Variants in UNC5D observed in about 807,000 individuals in gnomAD.
UNC5D encodes the protein netrin receptor UNC5D.
UNC5D carries 39 observed loss-of-function variants against 105.4 expected under a neutral mutation model. The observed-to-expected ratio is 0.37, with a 90% confidence interval of 0.29 to 0.48. UNC5D has a LOEUF of 0.48. Among genes scored for constraint, UNC5D ranks in the 20% least tolerant of loss-of-function variants. UNC5D has a pLI of 0.98. For synonymous variants in UNC5D, 452 were observed against 450.4 expected (o/e 1.00, Z -0.04); for missense variants, 991 against 1,202.4 (o/e 0.82, Z 2.60).
intron 9 of UNC5D, among the ~76,000 whole-genome samples, chr8:35,725,274 A>G (rs958910166): frequency 6.6e-6 from 1 of 152,192 alleles, no homozygotes; most frequent in Non-Finnish European, 1.5e-5. Context: ...CTTGGGACTG[A>G]GAGTTATTTT....
At chr8:35,722,164 C>T in intron 8 of UNC5D, 46 bp from the exon 9 acceptor site, 1 of 1,593,266 alleles carries the variant, frequency 6.3e-7, no homozygotes, top group Non-Finnish European at 8.5e-7. Context: ...GGTTCTTTGA[C>T]TTTGTGCCCA....
intron 7 of UNC5D, among the ~76,000 whole-genome samples, chr8:35,690,706 G>A (rs891388416): frequency 7.2e-5 from 11 of 152,220 alleles, no homozygotes; most frequent in African/African-American, 1.9e-4. Context: ...GCATCACTCT[G>A]AGGCTCTCAC....
At chr8:35,577,979 C>A (rs1392216923) in intron 3 of UNC5D, among the ~76,000 whole-genome samples, 4 of 152,098 alleles carry the variant, frequency 2.6e-5, no homozygotes, top group African/African-American at 7.2e-5. Flanking sequence ...AATCCTAACA[C>A]TTTGGGAGGC....
chr8:35,545,904 T>G (rs950915753), intron 1 of UNC5D, among the ~76,000 whole-genome samples: 1 of 152,064 alleles, frequency 6.6e-6, no homozygotes, highest in African/African-American at 2.4e-5. Flanking sequence ...CTTTATTTAT[T>G]TTTGAAATAG....
intron 8 of UNC5D, among the ~76,000 whole-genome samples, chr8:35,708,448 A>G (rs1458842172): frequency 1.3e-5 from 2 of 152,216 alleles, no homozygotes; most frequent in African/African-American, 2.4e-5. Flanking sequence ...ATGAGATTTA[A>G]TCATAGTTAA....
intron 1 of UNC5D, chr8:35,254,934 A>C (rs1803968183): frequency 6.6e-6 from 1 of 152,234 alleles, no homozygotes. Flanking sequence ...TTGAAATTTC[A>C]AATGAGCTTA....
At chr8:35,497,016 A>G (rs1246237205) in intron 1 of UNC5D, among the ~76,000 whole-genome samples, 1 of 152,224 alleles carries the variant, frequency 6.6e-6, no homozygotes, top group Non-Finnish European at 1.5e-5. Flanking sequence ...AAAAGCATAC[A>G]TATTTATTTA....
intron 1 of UNC5D, among the ~76,000 whole-genome samples, chr8:35,416,708 A>G (rs983933381): frequency 1.5e-4 from 22 of 150,290 alleles, no homozygotes; most frequent in Non-Finnish European, 3.0e-4. Context: ...ACTGGAAGAG[A>G]AAAAAAAAAT....
At chr8:35,287,002 G>A (rs1806646998) in intron 1 of UNC5D, among the ~76,000 whole-genome samples, 1 of 152,182 alleles carries the variant, frequency 6.6e-6, no homozygotes, top group Non-Finnish European at 1.5e-5. Context: ...ACTGATCACA[G>A]AGCACAGCCA....
intron 4 of UNC5D, among the ~76,000 whole-genome samples, chr8:35,602,012 T>C (rs1235472557): frequency 6.6e-6 from 1 of 152,196 alleles, no homozygotes; most frequent in Non-Finnish European, 1.5e-5. Flanking sequence ...CATGAAGGGT[T>C]ATTGAATTTT....
intron 1 of UNC5D, among the ~76,000 whole-genome samples, chr8:35,313,890 C>T (rs908847792): frequency 7.2e-5 from 11 of 152,140 alleles, no homozygotes; most frequent in African/African-American, 2.6e-4. Context: ...AAATGTAGCC[C>T]GTTGTCATTA....
intron 1 of UNC5D, among the ~76,000 whole-genome samples, chr8:35,252,764 T>C (rs967939829): frequency 6.6e-6 from 1 of 152,198 alleles, no homozygotes; most frequent in Admixed American, 6.5e-5. Flanking sequence ...AGTGTTTTTT[T>C]ATATATGTGA....
intron 4 of UNC5D, among the ~76,000 whole-genome samples, chr8:35,642,549 T>A (rs558471334): frequency 2.8e-4 from 42 of 152,086 alleles, no homozygotes; most frequent in Non-Finnish European, 5.3e-4. Context: ...GGGTTAATTT[T>A]TTCTCTGATA....
chr8:35,600,900 C>T (rs938730350), intron 4 of UNC5D, among the ~76,000 whole-genome samples: 11 of 152,050 alleles, frequency 7.2e-5, no homozygotes, highest in African/African-American at 2.4e-4. Flanking sequence ...ATGGTATTGC[C>T]TAGGTTTTCT....
At chr8:35,363,100 G>A (rs954952998) in intron 1 of UNC5D, among the ~76,000 whole-genome samples, 3 of 152,068 alleles carry the variant, frequency 2.0e-5, no homozygotes, top group Non-Finnish European at 2.9e-5. Flanking sequence ...CAAAACTTGG[G>A]AAGCATATTA....
At chr8:35,525,737 G>T (rs1813827239) in intron 1 of UNC5D, 3 of 1,576,130 alleles carry the variant, frequency 1.9e-6, no homozygotes, top group Non-Finnish European at 2.6e-6. Flanking sequence ...TCCCAACGCT[G>T]AAGTACTCGC....
intron 11 of UNC5D, among the ~76,000 whole-genome samples, chr8:35,732,352 T>C (rs1337931116): frequency 6.6e-6 from 1 of 152,206 alleles, no homozygotes; most frequent in Non-Finnish European, 1.5e-5. Context: ...GGTTGTGCTA[T>C]GTTGGGATCT....
intron 1 of UNC5D, among the ~76,000 whole-genome samples, chr8:35,435,055 G>A (rs1303325303): frequency 2.0e-5 from 3 of 152,042 alleles, no homozygotes; most frequent in African/African-American, 7.2e-5. Context: ...TCTTAAACTT[G>A]GAAAGACTGT....
chr8:35,767,972 T>A (rs190677451), intron 15 of UNC5D, among the ~76,000 whole-genome samples: 4 of 151,274 alleles, frequency 2.6e-5, no homozygotes, highest in Non-Finnish European at 4.4e-5. Context: ...TAGGGAAACA[T>A]ACATTTTTTG....
Sources: allele counts gnomAD v4.1 joint callset (sites outside exome capture counted in the v4.1 genomes callset), GRCh38; gene constraint gnomAD v4.1.1; transcripts MANE v1.5; gene names NCBI Gene and HGNC (gene_info 2026-07-23, HGNC 2026-07-21).